ABCA13: variants seen among roughly 807,000 people sequenced by gnomAD.
ABCA13 encodes the protein ATP binding cassette subfamily A member 13.
Under a neutral mutation model 478.7 loss-of-function variants are expected in ABCA13, and 476 were observed. The ratio of observed to expected loss-of-function variants is 0.99; its 90% CI spans 0.92 to 1.07. The LOEUF is 1.07. Among genes scored for constraint, ABCA13 ranks in the 50% least tolerant of loss-of-function variants. The pLI is 0.00. For missense variants in ABCA13, 6,060 were observed against 5,910.6 expected (o/e 1.03, Z -0.83); for synonymous variants, 2,252 against 2,158.9 (o/e 1.04, Z -1.20).
chr7:48,556,306 T>A (rs1785820417), intron 55 of ABCA13, among the ~76,000 whole-genome samples: 1 of 151,848 alleles, frequency 6.6e-6, no homozygotes, highest in Non-Finnish European at 1.5e-5. Flanking sequence ...TTCTGCAGTA[T>A]CTGTTAGATC....
At position 48,358,166 on chromosome 7, in the gene ABCA13, A is replaced by AAGGACAGGAC. The variant is rs377040023; in HGVS notation, c.10688+5704_10688+5713dup. On this transcript the variant is annotated intron_variant, in intron 31 of 61. Coordinates refer to ENST00000435803, the MANE Select transcript of ABCA13 (RefSeq NM_152701.5). ...CAAAGAAAAGAAAAGAAAAAAAAGA[A>AAGGACAGGAC]AGGACAGGACAGGACAGGACAGGAC... Among the ~76,000 whole-genome samples the AAGGACAGGAC allele has an allele frequency of 2.9e-3, 393 of 135,686 alleles. 10 individuals are homozygous for AAGGACAGGAC. Among genetic ancestry groups the AAGGACAGGAC allele is most frequent in the African/African-American group, 0.01 (357 of 35,018 alleles). The allele number at this position is 135,686 out of a possible 152,430, so 89.0% of individuals were successfully genotyped here.
intron 42 of ABCA13, among the ~76,000 whole-genome samples, chr7:48,453,780 T>G (rs917308935): frequency 6.6e-6 from 1 of 152,204 alleles, no homozygotes; most frequent in Non-Finnish European, 1.5e-5. Flanking sequence ...TGACACTTTG[T>G]TACAGTGTGC....
chr7:48,563,127 G>T (rs953357170), intron 55 of ABCA13, among the ~76,000 whole-genome samples: 1 of 152,058 alleles, frequency 6.6e-6, no homozygotes, highest in Admixed American at 6.6e-5. Context: ...CTATAAAAAG[G>T]TACAGTCAAG....
At chr7:48,630,048 C>A (rs1403540834) in intron 59 of ABCA13, among the ~76,000 whole-genome samples, 1 of 151,904 alleles carries the variant, frequency 6.6e-6, no homozygotes, top group Non-Finnish European at 1.5e-5. Context: ...AGGAGAGTTT[C>A]CTAGATTTAA....
At chr7:48,387,215 A>G (rs1176089387) in intron 35 of ABCA13, among the ~76,000 whole-genome samples, 1 of 152,132 alleles carries the variant, frequency 6.6e-6, no homozygotes, top group Non-Finnish European at 1.5e-5. Flanking sequence ...GGATGTGTTA[A>G]AAGAAAATTG....
At chr7:48,180,138 C>A (rs1222120057) in intron 1 of ABCA13, among the ~76,000 whole-genome samples, 1 of 152,192 alleles carries the variant, frequency 6.6e-6, no homozygotes, top group Non-Finnish European at 1.5e-5. Context: ...GAACTAGGAA[C>A]AAATGCCACC....
chr7:48,463,426 A>G (rs1826490042), intron 43 of ABCA13, among the ~76,000 whole-genome samples: 1 of 152,056 alleles, frequency 6.6e-6, no homozygotes, highest in Non-Finnish European at 1.5e-5. Context: ...AGCTCCTTTA[A>G]TTAAGCTTTT....
intron 1 of ABCA13, among the ~76,000 whole-genome samples, chr7:48,179,523 C>G (rs1015498965): frequency 3.9e-5 from 6 of 152,206 alleles, no homozygotes; most frequent in Admixed American, 3.9e-4. Context: ...CAGACAGCAC[C>G]TGTCATCCTC....
chr7:48,288,135 A>G, intron 20 of ABCA13, 57 bp downstream of exon 20: 1 of 1,461,422 alleles, frequency 6.8e-7, no homozygotes. Flanking sequence ...GGCCCTTGCA[A>G]GGCAGTCCAG....
chr7:48,466,861 A>G, intron 43 of ABCA13, 95 bp from the exon 44 acceptor site: 1 of 1,157,688 alleles, frequency 8.6e-7, no homozygotes, highest in Non-Finnish European at 1.3e-6. Context: ...CAGCCTGACT[A>G]GGGCACAATG....
At chr7:48,482,281 T>C (rs964158757) in intron 46 of ABCA13, among the ~76,000 whole-genome samples, 1 of 152,208 alleles carries the variant, frequency 6.6e-6, no homozygotes, top group African/African-American at 2.4e-5. Context: ...TGAAATTGTC[T>C]GGAATGCTTT....
intron 1 of ABCA13, among the ~76,000 whole-genome samples, chr7:48,189,084 G>A (rs1796744483): frequency 6.6e-6 from 1 of 152,160 alleles, no homozygotes; most frequent in South Asian, 2.1e-4. Context: ...GGCAGCATCT[G>A]TGCCAGCGCA....
intron 3 of ABCA13, among the ~76,000 whole-genome samples, chr7:48,202,038 A>G (rs34938570): frequency 0.2 from 30,824 of 151,780 alleles, 3,368 homozygotes; most frequent in Middle Eastern, 0.26. Flanking sequence ...TCTCGCTGGT[A>G]TCAGGAGTGA....
chr7:48,343,016 C>G (rs1385319081), intron 29 of ABCA13, among the ~76,000 whole-genome samples: 4 of 151,892 alleles, frequency 2.6e-5, no homozygotes, highest in African/African-American at 9.7e-5. Flanking sequence ...TAATTTTGGA[C>G]ACAATACTCA....
chr7:48,369,000 C>G (rs1010821548), intron 32 of ABCA13, among the ~76,000 whole-genome samples: 3 of 152,036 alleles, frequency 2.0e-5, no homozygotes, highest in Non-Finnish European at 4.4e-5. Context: ...AGTGGTTGTA[C>G]TAATTTACAT....
chr7:48,245,753 G>A (rs920924708), intron 12 of ABCA13, 110 bp from the exon 13 acceptor site: 3 of 1,440,656 alleles, frequency 2.1e-6, no homozygotes, highest in African/African-American at 2.9e-5. Flanking sequence ...ACTTTATGTT[G>A]TGTTTAAAAT....
Position 48,274,444 on chromosome 7 carries a change from T to C in ABCA13, c.4778T>C (p.Val1593Ala), listed in dbSNP as rs774675807. ...CCAAAAGAAAAGGATGTAAACAGTG[T>C]AGGCAATTCCATTTATCACTTAGCT... Reference protein sequence around the residue: ...TSPKEKDVNSVGNSIYHLASY... With the variant: ...TSPKEKDVNSAGNSIYHLASY... The change falls in exon 17 of 62, where the codon GTA becomes GCA. Residue 1593 changes from valine (V) to alanine (A), a missense_variant. Physicochemically the swap from Val to Ala is moderately conservative, Grantham distance 64. Coordinates refer to ENST00000435803, the MANE Select transcript of ABCA13 (RefSeq NM_152701.5). The C allele has an allele frequency of 1.2e-6, 2 of 1,613,722 alleles. No individual in the cohort carries two copies. The highest frequency in any genetic ancestry group is 3.3e-5 in the Admixed American group (2 of 59,984).
chr7:48,308,629 A>T (rs1272566601), intron 23 of ABCA13, among the ~76,000 whole-genome samples: 4 of 152,024 alleles, frequency 2.6e-5, no homozygotes, highest in African/African-American at 9.7e-5. Context: ...CATATTTTTC[A>T]TCTCCATTAT....
intron 43 of ABCA13, among the ~76,000 whole-genome samples, chr7:48,459,484 T>C (rs1826023659): frequency 6.6e-6 from 1 of 152,148 alleles, no homozygotes; most frequent in East Asian, 1.9e-4. Flanking sequence ...CTATACACTC[T>C]AATGTTCCCA....
Sources: gnomAD v4.1 joint callset for allele counts (sites outside exome capture counted in the v4.1 genomes callset) on GRCh38, gnomAD v4.1.1 for gene constraint, MANE v1.5 for transcripts, NCBI Gene and HGNC (gene_info 2026-07-23, HGNC 2026-07-21) for gene names.